The following CSGALNACT1 variants were observed in gnomAD, a reference collection of about 807,000 sequenced individuals.
The protein encoded by CSGALNACT1 is beta4GalNAcT-1.
CSGALNACT1 carries 52 observed loss-of-function variants against 51.0 expected under a neutral mutation model. The observed-to-expected ratio is 1.02, with a 90% CI of 0.82 to 1.29. CSGALNACT1 has a LOEUF of 1.29. Among genes scored for constraint, CSGALNACT1 ranks in the 50% most tolerant of loss-of-function variants. CSGALNACT1 has a pLI of 0.00. For synonymous variants in CSGALNACT1, 341 were observed against 254.4 expected, an observed-to-expected ratio of 1.34 and a Z score of -3.24; for missense variants, 935 against 679.2, an observed-to-expected ratio of 1.38 and a Z score of -4.19.
chr8:19,441,048 A>T (rs2061255072), intron 5 of CSGALNACT1, among the ~76,000 whole-genome samples: 1 of 152,182 alleles, frequency 6.6e-6, no homozygotes, highest in East Asian at 1.9e-4. Flanking sequence ...ACTACAAACC[A>T]CTGCTCAATG....
At chr8:19,565,472 T>TAGTTG (rs933398897) in intron 3 of CSGALNACT1, among the ~76,000 whole-genome samples, 4 of 152,262 alleles carry the variant, frequency 2.6e-5, no homozygotes, top group Admixed American at 1.3e-4. Context: ...TCATCTCAGG[T>TAGTTG]AGTTAGAGAT....
Position 19,424,191 on chromosome 8 carries a change from G to C in CSGALNACT1, c.954-3673C>G, listed in dbSNP as rs2058418095. 3.3e-5 allele frequency among the ~76,000 whole-genome samples: 5 copies of C among 152,238 alleles called. No individual in the cohort carries two copies. In the South Asian group the frequency reaches 1.0e-3, roughly 32 times the overall value. On this transcript the variant is annotated intron_variant, in intron 6 of 9. Coordinates refer to ENST00000454498, the Ensembl canonical transcript of CSGALNACT1. ...ATGAGTGTGCACAGAAGGCAGGGTG[G>C]GGACAGAGTCACTGCTGGCTTGGGA...
chr8:19,632,131 A>C (rs1051392629), intron 1 of CSGALNACT1, among the ~76,000 whole-genome samples: 5 of 152,264 alleles, frequency 3.3e-5, no homozygotes, highest in Admixed American at 1.3e-4. Context: ...CAAAGTGCAA[A>C]AACCAAATTC....
intron 3 of CSGALNACT1, among the ~76,000 whole-genome samples, chr8:19,509,750 C>A (rs2078097709): frequency 6.6e-6 from 1 of 151,966 alleles, no homozygotes; most frequent in Admixed American, 6.6e-5. Flanking sequence ...CAATCTCCTT[C>A]TCTGAGCAAC....
chr8:19,740,225 C>T (rs539794144), intron 1 of CSGALNACT1, among the ~76,000 whole-genome samples: 1 of 152,324 alleles, frequency 6.6e-6, no homozygotes, highest in East Asian at 1.9e-4. Context: ...ACAAATCTCT[C>T]CAACACGCTT....
chr8:19,680,466 C>A (rs576834708), intron 1 of CSGALNACT1, among the ~76,000 whole-genome samples: 2 of 146,638 alleles, frequency 1.4e-5, no homozygotes, highest in South Asian at 4.4e-4. Context: ...TGAGGCAGGA[C>A]AATCACTTGA....
intron 4 of CSGALNACT1, among the ~76,000 whole-genome samples, chr8:19,499,181 C>T (rs534529682): frequency 1.3e-5 from 2 of 152,314 alleles, no homozygotes; most frequent in African/African-American, 2.4e-5. Context: ...CTGACCGACC[C>T]ATATCTTCTA....
intron 3 of CSGALNACT1, among the ~76,000 whole-genome samples, chr8:19,586,161 G>C (rs186211261): frequency 6.6e-6 from 1 of 152,104 alleles, no homozygotes; most frequent in Non-Finnish European, 1.5e-5. Context: ...TCAGGAGTTC[G>C]AGACTAGCCT....
intron 3 of CSGALNACT1, among the ~76,000 whole-genome samples, chr8:19,520,510 G>C (rs977996890): frequency 1.9e-4 from 29 of 152,302 alleles, no homozygotes; most frequent in Admixed American, 4.6e-4. Flanking sequence ...ATCTCTACTA[G>C]GGAGTTAACT....
At chr8:19,453,344 C>A (rs1051105917) in intron 5 of CSGALNACT1, among the ~76,000 whole-genome samples, 6 of 152,038 alleles carry the variant, frequency 3.9e-5, no homozygotes, top group Admixed American at 1.3e-4. Context: ...AGAAGTAATG[C>A]ATTAGAAATA....
At chr8:19,519,629 C>T (rs953991748) in intron 3 of CSGALNACT1, among the ~76,000 whole-genome samples, 3 of 152,146 alleles carry the variant, frequency 2.0e-5, no homozygotes, top group Non-Finnish European at 2.9e-5. Flanking sequence ...GATCCGAAGG[C>T]GAGAGTTGGA....
intron 3 of CSGALNACT1, among the ~76,000 whole-genome samples, chr8:19,582,711 T>C (rs1027893663): frequency 6.6e-6 from 1 of 152,150 alleles, no homozygotes. Flanking sequence ...TTTTTTATCA[T>C]TGTCTAAAAA....
intron 3 of CSGALNACT1, among the ~76,000 whole-genome samples, chr8:19,544,782 G>T (rs183329446): frequency 8.7e-4 from 133 of 152,152 alleles, no homozygotes; most frequent in Middle Eastern, 3.4e-3. Flanking sequence ...TGCATAATTG[G>T]TCCAATTTTC....
chr8:19,646,178 CAA>C (rs2057259233), intron 1 of CSGALNACT1, among the ~76,000 whole-genome samples: 1 of 151,930 alleles, frequency 6.6e-6, no homozygotes, highest in Non-Finnish European at 1.5e-5. Context: ...AGTAGACTGA[CAA>C]GAGAAAAATA....
chr8:19,722,398 A>G (rs992246014), intron 1 of CSGALNACT1, among the ~76,000 whole-genome samples: 3 of 152,220 alleles, frequency 2.0e-5, no homozygotes, highest in Non-Finnish European at 4.4e-5. Context: ...TTGGATGCTT[A>G]CTTTCTGCCA....
At chr8:19,680,631 A>G (rs2060546124) in intron 1 of CSGALNACT1, among the ~76,000 whole-genome samples, 1 of 147,610 alleles carries the variant, frequency 6.8e-6, no homozygotes, top group Non-Finnish European at 1.5e-5. Context: ...AACTATTTAC[A>G]TAGCTCTTAC....
intron 3 of CSGALNACT1, among the ~76,000 whole-genome samples, chr8:19,547,443 G>T (rs2086731783): frequency 2.8e-3 from 1 of 354 alleles, no homozygotes; most frequent in Non-Finnish European, 5.6e-3. Flanking sequence ...GAATCATGGG[G>T]GTGGTTTCCC....
intron 3 of CSGALNACT1, among the ~76,000 whole-genome samples, chr8:19,506,969 G>A (rs2077452152): frequency 1.3e-5 from 2 of 152,214 alleles, no homozygotes; most frequent in Non-Finnish European, 2.9e-5. Flanking sequence ...ATGCAGCCAG[G>A]TGAGCCCACA....
At chr8:19,584,825 G>C (rs1456139905) in intron 3 of CSGALNACT1, among the ~76,000 whole-genome samples, 3 of 152,146 alleles carry the variant, frequency 2.0e-5, no homozygotes, top group African/African-American at 7.2e-5. Context: ...TCTCCTAACA[G>C]AATTAAGGGC....
Sources: gnomAD v4.1 joint callset for allele counts (sites outside exome capture counted in the v4.1 genomes callset) on GRCh38, gnomAD v4.1.1 for gene constraint, MANE v1.5 for transcripts, NCBI Gene and HGNC (gene_info 2026-07-23, HGNC 2026-07-21) for gene names.